The following C1orf87 variants were observed in gnomAD, a reference collection of about 807,000 sequenced individuals.
C1orf87 encodes the protein uncharacterized protein C1orf87.
Under a neutral mutation model 60.5 loss-of-function variants are expected in C1orf87, and 58 were observed. That is an observed-to-expected ratio of 0.96 (90% CI 0.78 to 1.19). The LOEUF (loss-of-function observed/expected upper bound fraction) is 1.19, where lower values mean the gene tolerates loss of function less well. Ranked by LOEUF, C1orf87 falls within the 50% of genes most tolerant of loss-of-function variation. The pLI is 0.00. For synonymous variants in C1orf87, 236 were observed against 227.4 expected, an observed-to-expected ratio of 1.04 and a Z score of -0.34; for missense variants, 673 against 638.6, an observed-to-expected ratio of 1.05 and a Z score of -0.58.
chr1:60,003,755 TA>T (rs1645023949), intron 9 of C1orf87, among the ~76,000 whole-genome samples: 1 of 152,066 alleles, frequency 6.6e-6, no homozygotes, highest in South Asian at 2.1e-4. Flanking sequence ...GAATACATGT[TA>T]AATAAATGAC....
At chr1:60,042,125 A>T (rs1285861669) in intron 3 of C1orf87, among the ~76,000 whole-genome samples, 1 of 152,208 alleles carries the variant, frequency 6.6e-6, no homozygotes, top group Non-Finnish European at 1.5e-5. Flanking sequence ...AAATGAAAGC[A>T]ATTAACTCTT....
At chr1:60,055,089 C>A in intron 3 of C1orf87, 115 bp downstream of exon 3, 1 of 963,736 alleles carries the variant, frequency 1.0e-6, no homozygotes, top group Middle Eastern at 2.2e-4. Context: ...ACTTCTATCT[C>A]ATGCAAAATA....
intron 8 of C1orf87, among the ~76,000 whole-genome samples, chr1:60,017,135 T>G (rs1645129290): frequency 6.6e-6 from 1 of 152,170 alleles, no homozygotes; most frequent in African/African-American, 2.4e-5. Flanking sequence ...TATACCTACT[T>G]CATGGGAAAG....
Position 60,041,275 on chromosome 1 carries a change from T to C in C1orf87, c.343-144A>G, listed in dbSNP as rs78667139. The C allele has an allele frequency of 6.9e-4, 473 of 681,018 alleles. 4 individuals are homozygous for C. In the East Asian group the frequency reaches 0.013, roughly 19 times the overall value. 42.2% of individuals were successfully genotyped at this position (681,018 alleles called of 1,614,324 possible). A position where few individuals can be genotyped will look rare whatever the true frequency, so the allele number is the denominator to read the frequency against. ...AAATGAACTTTAGCCCATGTATCAT[T>C]GAGTCATTGAATCGTCGTGAAGAAA... On this transcript the variant is annotated intron_variant, in intron 3 of 11. Coordinates refer to ENST00000371201, the MANE Select transcript of C1orf87 (RefSeq NM_152377.3).
At chr1:60,053,531 A>G (rs1157102548) in intron 3 of C1orf87, among the ~76,000 whole-genome samples, 2 of 152,170 alleles carry the variant, frequency 1.3e-5, no homozygotes, top group East Asian at 3.9e-4. Context: ...TCACAGAACC[A>G]TTAAAGATGA....
At position 60,040,153 on chromosome 1, in the gene C1orf87, T is replaced by C. The variant is rs1363401993; in HGVS notation, c.511A>G (p.Thr171Ala). 6 of 1,613,688 alleles carry C rather than the reference T, an allele frequency of 3.7e-6. No individual in the cohort carries two copies. The African/African-American group carries it at 6.7e-5, about 18-fold the overall frequency. ...EDIGQSPSGT[T>A]NEDAFLLALV... Reference sequence around the variant, plus strand: ...GCAAGAAGAAAAGCGTCTTCATTTGTTGTCCCACTTGGGCTCTGGCCAATA... The same window carrying C: ...GCAAGAAGAAAAGCGTCTTCATTTGCTGTCCCACTTGGGCTCTGGCCAATA... Residue 171 changes from threonine (T) to alanine (A), a missense_variant, in exon 5 of 12, where the codon ACA becomes GCA. Thr to Ala is a moderately conservative substitution (Grantham distance 58). Transcript: ENST00000371201.
At chr1:60,071,036 T>G (rs1306726939) in intron 2 of C1orf87, among the ~76,000 whole-genome samples, 1 of 152,140 alleles carries the variant, frequency 6.6e-6, no homozygotes, top group Non-Finnish European at 1.5e-5. Context: ...TTACTTTTCT[T>G]GACAGTGACA....
intron 2 of C1orf87, among the ~76,000 whole-genome samples, chr1:60,072,306 T>C (rs1645589453): frequency 6.6e-6 from 1 of 152,288 alleles, no homozygotes; most frequent in East Asian, 1.9e-4. Flanking sequence ...TCCCATCTAT[T>C]TGGAAAATCA....
Position 59,990,653 on chromosome 1 carries a change from C to G in C1orf87, c.*20G>C. On this transcript the variant is annotated 3_prime_UTR_variant, in exon 12 of 12. Coordinates refer to ENST00000371201, the MANE Select transcript of C1orf87 (RefSeq NM_152377.3). ...AAGGGAGATAAGGGAAACATCTGTT[C>G]TCACAATATGGGCTTGTTATCATAG... The G allele has an allele frequency of 6.2e-7, 1 of 1,611,840 alleles. No homozygotes were observed. The highest frequency in any genetic ancestry group is 1.1e-5 in the South Asian group (1 of 90,842).
At chr1:60,014,122 C>A (rs763642314) in intron 8 of C1orf87, among the ~76,000 whole-genome samples, 1 of 152,012 alleles carries the variant, frequency 6.6e-6, no homozygotes, top group Non-Finnish European at 1.5e-5. Context: ...TCCAAATAGG[C>A]ACAGAAGAGT....
intron 8 of C1orf87, among the ~76,000 whole-genome samples, chr1:60,019,766 C>G (rs1294820699): frequency 1.8e-4 from 28 of 152,146 alleles, no homozygotes; most frequent in Admixed American, 1.8e-3. Flanking sequence ...GCATTTTGCC[C>G]TTGCCTTAGA....
chr1:60,020,715 A>T (rs371821363), intron 8 of C1orf87, among the ~76,000 whole-genome samples: 2 of 152,198 alleles, frequency 1.3e-5, no homozygotes, highest in East Asian at 1.9e-4. Context: ...GGTAAAAGGG[A>T]TTTGCCTTGT....
chr1:60,010,443 C>G lies in C1orf87; in HGVS notation c.1141G>C (p.Val381Leu). The G allele has an allele frequency of 1.2e-6, 2 of 1,612,214 alleles. No individual in the cohort carries two copies. Among genetic ancestry groups the G allele is most frequent in the Non-Finnish European group, 1.7e-6 (2 of 1,178,802 alleles). ...YQNEIKWQNF[V>L]EMLTRASSDL... ...GAAGAAGCTCTGGTCAGCATCTCAA[C>G]AAAATTCTGCCATCTGTGCAAGAAA... The change falls in exon 9 of 12, where the codon GTT (valine) becomes CTT (leucine). Residue 381 changes from valine to leucine, a missense_variant. Val to Leu is a conservative substitution (Grantham distance 32, BLOSUM62 1). Coordinates refer to ENST00000371201, the MANE Select transcript of C1orf87 (RefSeq NM_152377.3).
Position 59,994,403 on chromosome 1 carries a change from T to C in C1orf87, c.1480+3206A>G, listed in dbSNP as rs527921306. ...TGGCTATTATTTTATCACTTTGAGCTTGGCTTTCTTCTCTGTAAATAAGGA... is the reference window on the plus strand; with the variant it reads ...TGGCTATTATTTTATCACTTTGAGCCTGGCTTTCTTCTCTGTAAATAAGGA... On this transcript the variant is annotated intron_variant, in intron 11 of 11. Coordinates refer to ENST00000371201, the MANE Select transcript of C1orf87 (RefSeq NM_152377.3). Among the ~76,000 whole-genome samples, 2 of 152,342 alleles carry C rather than the reference T, an allele frequency of 1.3e-5. 1 individual carries two copies. The highest frequency in any genetic ancestry group is 4.1e-4 in the South Asian group (2 of 4,822).
intron 2 of C1orf87, among the ~76,000 whole-genome samples, chr1:60,065,475 C>A (rs1057387513): frequency 2.6e-5 from 4 of 151,918 alleles, no homozygotes; most frequent in African/African-American, 7.3e-5. Context: ...CTTCTGGGAC[C>A]CTTTAAGAGC....
intron 11 of C1orf87, among the ~76,000 whole-genome samples, chr1:59,993,755 C>A (rs1235119112): frequency 6.8e-6 from 1 of 148,008 alleles, no homozygotes; most frequent in Non-Finnish European, 1.5e-5. Flanking sequence ...TAATAAGAAT[C>A]CTTTTTTTTT....
chr1:60,064,288 T>TTTATATATCATATATAAATTATATATG (rs1645518200), intron 2 of C1orf87, among the ~76,000 whole-genome samples: 2 of 117,884 alleles, frequency 1.7e-5, no homozygotes, highest in East Asian at 2.5e-4. Context: ...AATTATATAT[T>TTTATATATCATATATAAATTATATATG]ATATATATAT....
At position 59,990,697 on chromosome 1, in the gene C1orf87, T is replaced by C. The variant is rs779088074; in HGVS notation, c.1617A>G (p.Ala539=). The C allele has an allele frequency of 1.1e-5, 17 of 1,613,900 alleles. No individual in the cohort carries two copies. In the African/African-American group the frequency reaches 1.3e-4, roughly 13 times the overall value. The change falls in exon 12 of 12, where the codon GCA becomes GCG. Residue 539 remains alanine (A), a synonymous_variant. Coordinates refer to ENST00000371201, the MANE Select transcript of C1orf87 (RefSeq NM_152377.3). The part of the protein sequence containing the change: ...RSGENMLLEP[A]LRYLKEL Reference sequence around the variant, plus strand: ...ATCATAGCTCCTTTAAGTACCGCAGTGCTGGCTCCAAGAGCATATTTTCTC... The same window carrying C: ...ATCATAGCTCCTTTAAGTACCGCAGCGCTGGCTCCAAGAGCATATTTTCTC...
intron 3 of C1orf87, 49 bp from the exon 4 acceptor site, chr1:60,041,180 G>A: frequency 7.1e-7 from 1 of 1,417,116 alleles, no homozygotes; most frequent in South Asian, 1.6e-5. Context: ...GAGGAGGTAG[G>A]GAAGAGAAAG....
Sources: gnomAD v4.1 joint callset for allele counts (sites outside exome capture counted in the v4.1 genomes callset) on GRCh38, gnomAD v4.1.1 for gene constraint, MANE v1.5 for transcripts, NCBI Gene and HGNC (gene_info 2026-07-23, HGNC 2026-07-21) for gene names.